The following MACROD2 variants were observed in gnomAD, a reference collection of about 807,000 sequenced individuals.
MACROD2 encodes mono-ADP ribosylhydrolase 2, also known as ADP-ribose glycohydrolase MACROD2.
A neutral mutation model predicts 70.4 loss-of-function variants in MACROD2; 36 were observed. The ratio of observed to expected loss-of-function variants is 0.51; its 90% CI spans 0.39 to 0.68. MACROD2 has a LOEUF of 0.68. MACROD2 is among the 30% of genes least tolerant of loss of function. The pLI, the probability that MACROD2 is intolerant of heterozygous loss-of-function variation, is 0.00. For synonymous variants in MACROD2, 172 were observed against 178.8 expected, an observed-to-expected ratio of 0.96 and a Z score of 0.30; for missense variants, 496 against 538.4, an observed-to-expected ratio of 0.92 and a Z score of 0.78.
chr20:14,123,223 A>C (rs2054606767), intron 3 of MACROD2, among the ~76,000 whole-genome samples: 1 of 152,170 alleles, frequency 6.6e-6, no homozygotes, highest in Non-Finnish European at 1.5e-5. Context: ...TATTTATAGA[A>C]ATAAAGTCAT....
intron 5 of MACROD2, among the ~76,000 whole-genome samples, chr20:15,172,166 A>G (rs189824051): frequency 2.1e-3 from 322 of 152,316 alleles, no homozygotes; most frequent in Middle Eastern, 3.4e-3. Flanking sequence ...AGATTCTGTC[A>G]TAGTTACCAG....
chr20:15,149,693 C>T (rs1206484702), intron 5 of MACROD2, among the ~76,000 whole-genome samples: 1 of 152,060 alleles, frequency 6.6e-6, no homozygotes, highest in Non-Finnish European at 1.5e-5. Flanking sequence ...AGGGCGGCAG[C>T]AGCTGCTGCA....
chr20:15,910,610 C>A (rs894966867), intron 10 of MACROD2, among the ~76,000 whole-genome samples: 4 of 152,158 alleles, frequency 2.6e-5, no homozygotes, highest in African/African-American at 9.7e-5. Flanking sequence ...ATGTAGTAGG[C>A]ACTTTCTGAC....
At chr20:14,412,479 A>G (rs2083760446) in intron 3 of MACROD2, among the ~76,000 whole-genome samples, 1 of 152,170 alleles carries the variant, frequency 6.6e-6, no homozygotes, top group Non-Finnish European at 1.5e-5. Flanking sequence ...AGACCCTAGG[A>G]GCAGTTACAG....
chr20:15,394,872 G>A (rs2045840550), intron 6 of MACROD2, among the ~76,000 whole-genome samples: 1 of 152,136 alleles, frequency 6.6e-6, no homozygotes, highest in Non-Finnish European at 1.5e-5. Flanking sequence ...GTCCAGTGTA[G>A]GTTAAACTGA....
At chr20:14,838,567 T>G (rs1438157124) in intron 5 of MACROD2, among the ~76,000 whole-genome samples, 1 of 152,136 alleles carries the variant, frequency 6.6e-6, no homozygotes, top group Non-Finnish European at 1.5e-5. Context: ...TTGTTTGCTG[T>G]GTTAATGCAG....
At chr20:14,944,143 C>T (rs1600855984) in intron 5 of MACROD2, among the ~76,000 whole-genome samples, 2 of 152,056 alleles carry the variant, frequency 1.3e-5, no homozygotes, top group East Asian at 1.9e-4. Flanking sequence ...CCCCTAACTC[C>T]TGAGAAGGTA....
chr20:16,018,887 T>G (rs1276099110), intron 15 of MACROD2, among the ~76,000 whole-genome samples: 1 of 152,202 alleles, frequency 6.6e-6, no homozygotes, highest in African/African-American at 2.4e-5. Context: ...CTCTCTCTAT[T>G]CTTTCACCAT....
At chr20:14,673,224 T>C (rs1359306745) in intron 4 of MACROD2, among the ~76,000 whole-genome samples, 1 of 152,196 alleles carries the variant, frequency 6.6e-6, no homozygotes, top group African/African-American at 2.4e-5. Flanking sequence ...TTAATTAAAT[T>C]TAGAGAGGCT....
At chr20:15,304,722 C>T (rs1017902073) in intron 6 of MACROD2, among the ~76,000 whole-genome samples, 2 of 151,458 alleles carry the variant, frequency 1.3e-5, no homozygotes, top group African/African-American at 2.5e-5. Context: ...CCCTTACGTG[C>T]CTGCCTTATC....
intron 4 of MACROD2, among the ~76,000 whole-genome samples, chr20:14,520,309 A>G (rs549545236): frequency 8.5e-5 from 13 of 152,248 alleles, no homozygotes; most frequent in Non-Finnish European, 1.6e-4. Flanking sequence ...TTGAAACCCA[A>G]CAAAAACAAC....
intron 7 of MACROD2, among the ~76,000 whole-genome samples, chr20:15,469,722 G>A (rs913327229): frequency 4.6e-5 from 7 of 152,290 alleles, no homozygotes; most frequent in South Asian, 2.1e-4. Context: ...CATTCAAGAT[G>A]GAGAACGCAT....
At position 14,878,465 on chromosome 20, in the gene MACROD2, A is replaced by C. The variant is rs969078675; in HGVS notation, c.418+193506A>C. Among the ~76,000 whole-genome samples, 4 of 152,094 alleles carry C rather than the reference A, an allele frequency of 2.6e-5. No homozygotes were observed. In the East Asian group the frequency reaches 7.7e-4, roughly 29 times the overall value. On this transcript the variant is annotated intron_variant, in intron 5 of 17. Transcript: ENST00000684519. ...TATTGTTTGACGTCAGATGCCTTTA[A>C]AGTAAAACTATAAGAATTATTAGTC...
At chr20:15,110,637 A>G (rs1421355933) in intron 5 of MACROD2, among the ~76,000 whole-genome samples, 1 of 152,170 alleles carries the variant, frequency 6.6e-6, no homozygotes, top group Non-Finnish European at 1.5e-5. Context: ...GTCTTGTGGC[A>G]TGTTCTTGCC....
At chr20:14,273,130 T>C (rs1176377160) in intron 3 of MACROD2, among the ~76,000 whole-genome samples, 2 of 152,186 alleles carry the variant, frequency 1.3e-5, no homozygotes, top group African/African-American at 4.8e-5. Context: ...AACTCAGCTC[T>C]GCACCAAGCG....
intron 5 of MACROD2, among the ~76,000 whole-genome samples, chr20:14,972,505 C>T (rs1330411593): frequency 6.6e-6 from 1 of 152,106 alleles, no homozygotes; most frequent in Non-Finnish European, 1.5e-5. Flanking sequence ...TAGCCCTTTA[C>T]ATATATTTTA....
chr20:14,684,529 A>G (rs992743638), intron 4 of MACROD2, among the ~76,000 whole-genome samples: 2 of 152,136 alleles, frequency 1.3e-5, no homozygotes, highest in Non-Finnish European at 2.9e-5. Context: ...GGGGAAAGGA[A>G]TTATACCACT....
chr20:15,422,560 G>C (rs916121253), intron 6 of MACROD2, among the ~76,000 whole-genome samples: 1 of 152,102 alleles, frequency 6.6e-6, no homozygotes. Context: ...TCACAGGCTT[G>C]TTCATGGGAA....
chr20:15,679,546 T>A (rs1568970654), intron 8 of MACROD2, among the ~76,000 whole-genome samples: 1 of 152,136 alleles, frequency 6.6e-6, no homozygotes, highest in Non-Finnish European at 1.5e-5. Context: ...GTGGCAGAAG[T>A]GATGCTGTGC....
Sources: gnomAD v4.1 joint callset for allele counts (sites outside exome capture counted in the v4.1 genomes callset) on GRCh38, gnomAD v4.1.1 for gene constraint, MANE v1.5 for transcripts, NCBI Gene and HGNC (gene_info 2026-07-23, HGNC 2026-07-21) for gene names.